PTPRD: variants seen among roughly 807,000 people sequenced by gnomAD.
The protein encoded by PTPRD is receptor-type tyrosine-protein phosphatase delta.
Under a neutral mutation model 214.5 loss-of-function variants are expected in PTPRD, and 34 were observed. The ratio of observed to expected loss-of-function variants is 0.16; its 90% CI spans 0.12 to 0.21. The LOEUF is 0.21. Among genes scored for constraint, PTPRD ranks in the 10% least tolerant of loss-of-function variants. PTPRD has a pLI of 1.00. For missense variants in PTPRD, 2,545 were observed against 2,398.7 expected, an observed-to-expected ratio of 1.06 and a Z score of -1.27; for synonymous variants, 1,128 against 845.7, an observed-to-expected ratio of 1.33 and a Z score of -5.79.
At chr9:8,498,856 A>G (rs2097334437) in intron 25 of PTPRD, among the ~76,000 whole-genome samples, 1 of 152,146 alleles carries the variant, frequency 6.6e-6, no homozygotes, top group Non-Finnish European at 1.5e-5. Flanking sequence ...ACTCAAGCGA[A>G]TTTATTATGG....
In PTPRD at chr9:9,958,786, A is replaced by G. The variant is rs995502832; in HGVS notation, c.-471-20176T>C. On this transcript the variant is annotated intron_variant, in intron 4 of 45. Coordinates refer to ENST00000381196, the MANE Select transcript of PTPRD (RefSeq NM_002839.4). ...AATATGCAGATGGCAAAAATATTAA[A>G]TGATGCTCAATATCATAAAACCTCA... Among the ~76,000 whole-genome samples, 10 of 152,320 alleles carry G rather than the reference A, an allele frequency of 6.6e-5. No homozygotes were observed. In the East Asian group the frequency reaches 1.9e-3, roughly 29 times the overall value.
rs193289382 is a variant in PTPRD, at chr9:10,176,309, C to T, written c.-544-142519G>A. Among the ~76,000 whole-genome samples, 639 of 150,538 alleles carry T rather than the reference C, an allele frequency of 4.2e-3. 1 individual carries two copies. Among genetic ancestry groups the T allele is most frequent in the Non-Finnish European group, 6.9e-3 (468 of 67,574 alleles). ...TTTTCCCTATTCCAAATTTGGTAGACGTCTAAATCATCTTTTAGGAATGTA... is the reference window on the plus strand; with the variant it reads ...TTTTCCCTATTCCAAATTTGGTAGATGTCTAAATCATCTTTTAGGAATGTA... On this transcript the variant is annotated intron_variant, in intron 3 of 45. Transcript: ENST00000381196.
At chr9:10,154,047 C>G (rs2099078568) in intron 3 of PTPRD, among the ~76,000 whole-genome samples, 1 of 151,968 alleles carries the variant, frequency 6.6e-6, no homozygotes, top group Non-Finnish European at 1.5e-5. Flanking sequence ...TGAGAAATTA[C>G]CACACTGCTT....
intron 8 of PTPRD, among the ~76,000 whole-genome samples, chr9:9,499,084 G>T (rs1051018787): frequency 6.6e-6 from 1 of 151,952 alleles, no homozygotes; most frequent in African/African-American, 2.4e-5. Context: ...GCACTAAATT[G>T]TTTCTCAAGG....
At chr9:10,187,798 C>G (rs930238311) in intron 3 of PTPRD, among the ~76,000 whole-genome samples, 1 of 152,208 alleles carries the variant, frequency 6.6e-6, no homozygotes, top group African/African-American at 2.4e-5. Flanking sequence ...TTCATCACCT[C>G]TCACTAGAAT....
At chr9:8,488,942 T>C (rs1465106316) in intron 27 of PTPRD, among the ~76,000 whole-genome samples, 1 of 136,056 alleles carries the variant, frequency 7.3e-6, no homozygotes, top group Non-Finnish European at 1.5e-5. Context: ...TTTATTAAAA[T>C]TTTTTGAAAT....
At chr9:9,543,704 A>G (rs2078118907) in intron 8 of PTPRD, among the ~76,000 whole-genome samples, 1 of 151,606 alleles carries the variant, frequency 6.6e-6, no homozygotes, top group South Asian at 2.1e-4. Flanking sequence ...AACAAACAAC[A>G]AAAACAAAAA....
chr9:9,903,195 T>C (rs995505973), intron 5 of PTPRD, among the ~76,000 whole-genome samples: 2 of 152,174 alleles, frequency 1.3e-5, no homozygotes, highest in Non-Finnish European at 2.9e-5. Context: ...AGCAGAAAGA[T>C]TGCATGCATA....
intron 14 of PTPRD, among the ~76,000 whole-genome samples, chr9:8,597,907 G>A (rs925848542): frequency 6.6e-6 from 1 of 151,794 alleles, no homozygotes; most frequent in African/African-American, 2.4e-5. Flanking sequence ...CATTTTTCTT[G>A]GACCAACTTG....
rs144087189 is a variant in PTPRD, at chr9:9,649,739, A to G, written c.-286-74958T>C. Among the ~76,000 whole-genome samples the G allele has an allele frequency of 6.4e-3, 979 of 152,306 alleles. 8 individuals carry two copies. Among genetic ancestry groups the G allele is most frequent in the African/African-American group, 0.023 (946 of 41,566 alleles). On this transcript the variant is annotated intron_variant, in intron 7 of 45. Transcript: ENST00000381196. ...ATTTCATTTAACATGTTAACATACAATTACAGATATATTTACCTGATTATT... is the reference window on the plus strand; with the variant it reads ...ATTTCATTTAACATGTTAACATACAGTTACAGATATATTTACCTGATTATT...
At chr9:8,880,396 T>C (rs2098435425) in intron 11 of PTPRD, among the ~76,000 whole-genome samples, 1 of 152,194 alleles carries the variant, frequency 6.6e-6, no homozygotes, top group African/African-American at 2.4e-5. Context: ...TACAGGCACT[T>C]GCTTCTACCT....
intron 12 of PTPRD, among the ~76,000 whole-genome samples, chr9:8,723,434 G>A (rs188499346): frequency 9.9e-5 from 15 of 152,076 alleles, no homozygotes; most frequent in Admixed American, 2.6e-4. Context: ...AAGTCACGCC[G>A]TTCAGTGACT....
At chr9:8,554,259 C>A (rs868202573) in intron 14 of PTPRD, among the ~76,000 whole-genome samples, 70 of 151,904 alleles carry the variant, frequency 4.6e-4, no homozygotes, top group African/African-American at 1.7e-3. Flanking sequence ...TAAATAAAAG[C>A]TTTGTTAACA....
At chr9:10,404,242 G>A (rs192559913) in intron 2 of PTPRD, among the ~76,000 whole-genome samples, 91 of 151,874 alleles carry the variant, frequency 6.0e-4, no homozygotes, top group Non-Finnish European at 1.0e-3. Context: ...CAGGGGTGGT[G>A]GAAGGTGGTT....
intron 7 of PTPRD, among the ~76,000 whole-genome samples, chr9:9,734,150 C>A (rs112445499): frequency 6.6e-6 from 1 of 152,144 alleles, no homozygotes; most frequent in Non-Finnish European, 1.5e-5. Context: ...TGTGTCAGCT[C>A]ATCTTTGGTT....
At chr9:8,439,429 C>T (rs934418504) in intron 34 of PTPRD, among the ~76,000 whole-genome samples, 4 of 152,174 alleles carry the variant, frequency 2.6e-5, no homozygotes, top group African/African-American at 9.7e-5. Flanking sequence ...TAAAAGTTAT[C>T]GTACCTTTTC....
At chr9:9,314,244 C>A (rs1961134479) in intron 9 of PTPRD, among the ~76,000 whole-genome samples, 1 of 152,034 alleles carries the variant, frequency 6.6e-6, no homozygotes, top group Non-Finnish European at 1.5e-5. Context: ...ATTTAAATGG[C>A]TGTAGGATAG....
chr9:8,644,000 C>CATG (rs2096634186), intron 12 of PTPRD, among the ~76,000 whole-genome samples: 1 of 152,166 alleles, frequency 6.6e-6, no homozygotes, highest in Non-Finnish European at 1.5e-5. Context: ...CTGGGACCGC[C>CATG]CATGGCTGTC....
rs567243159 is a variant in PTPRD, at chr9:9,237,434, A to G, written c.-202-54071T>C. 2.0e-5 allele frequency among the ~76,000 whole-genome samples: 3 copies of G among 152,222 alleles called. No homozygotes were observed. In the South Asian group the frequency reaches 6.2e-4, roughly 32 times the overall value. Reference sequence around the variant, plus strand: ...GACAGAGTGAGACCCTATCTTTACAACAACACCACCACCACCCAACAACTA... The same window carrying G: ...GACAGAGTGAGACCCTATCTTTACAGCAACACCACCACCACCCAACAACTA... On this transcript the variant is annotated intron_variant, in intron 9 of 45. Transcript: ENST00000381196.
Sources: allele counts gnomAD v4.1 joint callset (sites outside exome capture counted in the v4.1 genomes callset), GRCh38; gene constraint gnomAD v4.1.1; transcripts MANE v1.5; gene names NCBI Gene and HGNC (gene_info 2026-07-23, HGNC 2026-07-21).